Variants in DCUN1D5 observed in about 807,000 individuals in gnomAD.
DCUN1D5 encodes DCN1-like protein 5.
A neutral mutation model predicts 38.3 loss-of-function variants in DCUN1D5; 10 were observed. The ratio of observed to expected loss-of-function variants is 0.26; its 90% confidence interval spans 0.16 to 0.44. The LOEUF is 0.44. Ranked by LOEUF, DCUN1D5 falls within the 20% of genes least tolerant of loss-of-function variation. The pLI, the probability that DCUN1D5 is intolerant of heterozygous loss-of-function variation, is 1.00. For synonymous variants in DCUN1D5, 93 were observed against 90.9 expected (o/e 1.02, Z -0.13); for missense variants, 148 against 275.3 (o/e 0.54, Z 3.27).
At position 103,050,942 on chromosome 11, in the gene DCUN1D5, T is replaced by C. The variant is rs545231763; in HGVS notation, c.*11417A>G. On this transcript the variant is annotated 3_prime_UTR_variant, in exon 8 of 8. Transcript: ENST00000260247. ...GATGGGTAAGGAAAGGGTGTTTCTTTAAAAATAATCAGACCCAGAATAAGG... is the reference window on the plus strand; with the variant it reads ...GATGGGTAAGGAAAGGGTGTTTCTTCAAAAATAATCAGACCCAGAATAAGG... The C allele has an allele frequency of 1.3e-5, 2 of 152,264 alleles. No homozygotes were observed. The highest frequency in any genetic ancestry group is 4.1e-4 in the South Asian group (2 of 4,830). The allele number at this position is 152,264 out of a possible 1,614,324, so 9.4% of individuals were successfully genotyped here.
chr11:103,058,108 T>C lies in DCUN1D5; in HGVS notation c.*4251A>G, dbSNP rs1011327429. Reference sequence around the variant, plus strand: ...ACAAGATTCAATACTTAGGTTAAAATCTAACCTTACTATATAGTGTTACTA... The same window carrying C: ...ACAAGATTCAATACTTAGGTTAAAACCTAACCTTACTATATAGTGTTACTA... On this transcript the variant is annotated 3_prime_UTR_variant, in exon 8 of 8. Coordinates refer to ENST00000260247, the MANE Select transcript of DCUN1D5 (RefSeq NM_032299.4). Among the ~76,000 whole-genome samples the C allele has an allele frequency of 2.0e-5, 3 of 152,198 alleles. No homozygotes were observed. Among genetic ancestry groups the C allele is most frequent in the Admixed American group, 2.0e-4 (3 of 15,276 alleles).
chr11:103,092,000 G>T lies in DCUN1D5; in HGVS notation c.-128C>A. On this transcript the variant is annotated 5_prime_UTR_variant, in exon 1 of 8. Coordinates refer to ENST00000260247, the MANE Select transcript of DCUN1D5 (RefSeq NM_032299.4). The surrounding 1 kb of genome is among the most constrained non-coding windows in gnomAD (Gnocchi z 4.3). ...AGCGGAGGAGCAGAGTCGCCAGCCCGCACCGGCGCGGCCCAGCCCGGCCGC... is the reference window on the plus strand; with the variant it reads ...AGCGGAGGAGCAGAGTCGCCAGCCCTCACCGGCGCGGCCCAGCCCGGCCGC... 4 of 849,510 alleles carry T rather than the reference G, an allele frequency of 4.7e-6. No individual in the cohort carries two copies. The highest frequency in any genetic ancestry group is 1.8e-5 in the South Asian group (1 of 55,918). The allele number at this position is 849,510 out of a possible 1,614,324, so 52.6% of individuals were successfully genotyped here.
chr11:103,082,773 A>G lies in DCUN1D5; in HGVS notation c.316T>C (p.Trp106Arg), dbSNP rs1862598989. 2 of 1,612,890 alleles carry G rather than the reference A, an allele frequency of 1.2e-6. No individual in the cohort carries two copies. Among genetic ancestry groups the G allele is most frequent in the Admixed American group, 3.3e-5 (2 of 59,978 alleles). ...TGTAATGAAGTCATTCCCTTTAACC[A>G]TTCTTCCTTGGTAAAAAATCCCATG... ...ESMGFFTKEE[W>R]LKGMTSLQCD... is the part of the protein sequence containing the mutation. The change falls in exon 4 of 8, where the codon TGG becomes CGG. Residue 106 changes from tryptophan (W) to arginine (R), a missense_variant. Trp to Arg is a moderately radical substitution (Grantham distance 101). Coordinates refer to ENST00000260247, the MANE Select transcript of DCUN1D5 (RefSeq NM_032299.4).
At position 103,066,746 on chromosome 11, in the gene DCUN1D5, C is replaced by A. The variant is rs1442380942; in HGVS notation, c.342-179G>T. ...ATTTCTTGCCCTGCATCTACCAATG[C>A]AATAAAAAAAGAAAAAAGGGGAAAA... On this transcript the variant is annotated intron_variant, in intron 4 of 7. Coordinates refer to ENST00000260247, the MANE Select transcript of DCUN1D5 (RefSeq NM_032299.4). This position sits in a 1 kb window ranked among gnomAD's most constrained non-coding sequence, Gnocchi z 4.7. Among the ~76,000 whole-genome samples, 2 of 151,256 alleles carry A rather than the reference C, an allele frequency of 1.3e-5. No homozygotes were observed. Among genetic ancestry groups the A allele is most frequent in the Non-Finnish European group, 2.9e-5 (2 of 67,820 alleles).
Position 103,064,029 on chromosome 11 carries a change from A to G in DCUN1D5, c.658+246T>C, listed in dbSNP as rs535208786. On this transcript the variant is annotated intron_variant, in intron 7 of 7. Transcript: ENST00000260247. The surrounding 1 kb of genome is among the most constrained non-coding windows in gnomAD (Gnocchi z 4.5). ...ATTTTAGCTTCTGGATGCAAAAATT[A>G]TAATTTAAATTTAGCTAAAATGTTT... 9.2e-5 allele frequency among the ~76,000 whole-genome samples: 14 copies of G among 152,286 alleles called. No homozygotes were observed. The highest frequency in any genetic ancestry group is 7.8e-4 in the Admixed American group (12 of 15,300).
At chr11:103,075,978 G>A (rs902461438) in intron 4 of DCUN1D5, among the ~76,000 whole-genome samples, 2 of 152,126 alleles carry the variant, frequency 1.3e-5, no homozygotes, top group African/African-American at 4.8e-5. Flanking sequence ...GATATGCAAA[G>A]CAAATTTCTC....
Position 103,091,571 on chromosome 11 carries a change from T to G in DCUN1D5, c.86+216A>C. 2.8e-6 allele frequency: 2 copies of G among 725,858 alleles called. 1 individual carries two copies. Among genetic ancestry groups the G allele is most frequent in the Non-Finnish European group, 4.5e-6 (2 of 445,258 alleles). The allele number at this position is 725,858 out of a possible 1,614,324, so 45.0% of individuals were successfully genotyped here. On this transcript the variant is annotated intron_variant, in intron 1 of 7. Coordinates refer to ENST00000260247, the MANE Select transcript of DCUN1D5 (RefSeq NM_032299.4). This position sits in a 1 kb window ranked among gnomAD's most constrained non-coding sequence, Gnocchi z 4.3. ...CGTAGACTCTTAACGTGGGCGGCTC[T>G]TCTAGTCTCTCCATAAACGCCAGCG... is the stretch of plus-strand genomic sequence containing the variant.
intron 2 of DCUN1D5, among the ~76,000 whole-genome samples, chr11:103,084,519 GA>G (rs1333221903): frequency 6.6e-6 from 1 of 152,096 alleles, no homozygotes; most frequent in Non-Finnish European, 1.5e-5. Context: ...GTTAAAAGGT[GA>G]AGGGGGTGAT....
rs1388178980 is a variant in DCUN1D5 at position 103,054,142 on chromosome 11, C to T, written c.*8217G>A. 1.3e-5 allele frequency: 2 copies of T among 152,078 alleles called. No homozygotes were observed. The highest frequency in any genetic ancestry group is 4.8e-5 in the African/African-American group (2 of 41,422). 9.4% of individuals were successfully genotyped at this position (152,078 alleles called of 1,614,324 possible). ...CGTAAGCCAGATAGAGAGAACCTCC[C>T]AATTTCCACATCTATGTCTCCTGTT... On this transcript the variant is annotated 3_prime_UTR_variant, in exon 8 of 8. Coordinates refer to ENST00000260247, the MANE Select transcript of DCUN1D5 (RefSeq NM_032299.4).
rs558785619 is a variant in DCUN1D5 at position 103,058,516 on chromosome 11, C to G, written c.*3843G>C. Among the ~76,000 whole-genome samples, 1 of 152,258 alleles carries G rather than the reference C, an allele frequency of 6.6e-6. No individual in the cohort carries two copies. Among genetic ancestry groups the G allele is most frequent in the East Asian group, 1.9e-4 (1 of 5,184 alleles). Reference sequence around the variant, plus strand: ...AGGTTTGGGGCAGAAATTCATCTTTCCACAGTCTGTAAGTTTATCATAAAA... The same window carrying G: ...AGGTTTGGGGCAGAAATTCATCTTTGCACAGTCTGTAAGTTTATCATAAAA... On this transcript the variant is annotated 3_prime_UTR_variant, in exon 8 of 8. Transcript: ENST00000260247.
In DCUN1D5 at chr11:103,056,308, C is replaced by A. The variant is rs1240657390; in HGVS notation, c.*6051G>T. On this transcript the variant is annotated 3_prime_UTR_variant, in exon 8 of 8. Coordinates refer to ENST00000260247, the MANE Select transcript of DCUN1D5 (RefSeq NM_032299.4). This position sits in a 1 kb window ranked among gnomAD's most constrained non-coding sequence, Gnocchi z 4.9. ...CTCTCAGTTCATTTTCTAATTCTCC[C>A]TAAAATGCTATTATTGTTCACTACA... 6.6e-6 allele frequency among the ~76,000 whole-genome samples: 1 copy of A among 152,158 alleles called. No homozygotes were observed. The highest frequency in any genetic ancestry group is 1.5e-5 in the Non-Finnish European group (1 of 68,024).
chr11:103,090,458 A>C (rs995291447), intron 1 of DCUN1D5, among the ~76,000 whole-genome samples: 1 of 152,230 alleles, frequency 6.6e-6, no homozygotes, highest in Non-Finnish European at 1.5e-5. Flanking sequence ...TATGTAAGTC[A>C]TCTACCTCAC....
rs1273565285 is a variant in DCUN1D5 at position 103,058,365 on chromosome 11, G to T, written c.*3994C>A. ...AGGTGGACACAGCAAATGTATGATC[G>T]ATCAGTTTTAAGACTGTTTTTAAAA... On this transcript the variant is annotated 3_prime_UTR_variant, in exon 8 of 8. Coordinates refer to ENST00000260247, the MANE Select transcript of DCUN1D5 (RefSeq NM_032299.4). 6.6e-6 allele frequency among the ~76,000 whole-genome samples: 1 copy of T among 152,114 alleles called. No homozygotes were observed.
In DCUN1D5 at chr11:103,057,614, G is replaced by T. The variant is rs1288753961; in HGVS notation, c.*4745C>A. 6.6e-6 allele frequency among the ~76,000 whole-genome samples: 1 copy of T among 152,016 alleles called. No homozygotes were observed. The highest frequency in any genetic ancestry group is 1.5e-5 in the Non-Finnish European group (1 of 68,002). ...AGGCATCTGTAATCCCAGCTACTTG[G>T]GAGGTTGACGCACGAGAATCTCTTG... On this transcript the variant is annotated 3_prime_UTR_variant, in exon 8 of 8. Transcript: ENST00000260247. The surrounding 1 kb of genome is among the most constrained non-coding windows in gnomAD (Gnocchi z 4.8).
chr11:103,087,414 C>A lies in DCUN1D5; in HGVS notation c.178+1813G>T, dbSNP rs1862741166. Among the ~76,000 whole-genome samples the A allele has an allele frequency of 6.6e-6, 1 of 152,146 alleles. No homozygotes were observed. The highest frequency in any genetic ancestry group is 1.5e-5 in the Non-Finnish European group (1 of 68,022). ...CTCGATCTCCTGACCTCGTGATCTG[C>A]CTACCTTGGCCTCCCAAAGTGCTGA... On this transcript the variant is annotated intron_variant, in intron 2 of 7. Coordinates refer to ENST00000260247, the MANE Select transcript of DCUN1D5 (RefSeq NM_032299.4). The surrounding 1 kb of genome is among the most constrained non-coding windows in gnomAD (Gnocchi z 4.1).
intron 2 of DCUN1D5, among the ~76,000 whole-genome samples, chr11:103,084,429 GAAGCCAA>G (rs1862645878): frequency 6.6e-6 from 1 of 152,154 alleles, no homozygotes; most frequent in Admixed American, 6.5e-5. Flanking sequence ...ATACTGGTCT[GAAGCCAA>G]AACCCTTTTT....
rs1862143100 is a variant in DCUN1D5, at chr11:103,066,698, G to A, written c.342-131C>T. The A allele has an allele frequency of 1.9e-6, 1 of 518,480 alleles. No individual in the cohort carries two copies. The highest frequency in any genetic ancestry group is 3.5e-5 in the South Asian group (1 of 28,624). The allele number at this position is 518,480 out of a possible 1,614,324, so 32.1% of individuals were successfully genotyped here. ...GAAGTTAATTTAGTTTTAAAATTCT[G>A]AGTCACAAATTTAGAGTAATAAATT... On this transcript the variant is annotated intron_variant, in intron 4 of 7. Coordinates refer to ENST00000260247, the MANE Select transcript of DCUN1D5 (RefSeq NM_032299.4). The surrounding 1 kb of genome is among the most constrained non-coding windows in gnomAD (Gnocchi z 4.7).
Position 103,060,237 on chromosome 11 carries a change from A to T in DCUN1D5, c.*2122T>A, listed in dbSNP as rs901598283. ...TGGCCTCAGTGGTACTGGACTCCAA[A>T]GTATGGCTAGGGTAGGATAGGACAG... On this transcript the variant is annotated 3_prime_UTR_variant, in exon 8 of 8. Coordinates refer to ENST00000260247, the MANE Select transcript of DCUN1D5 (RefSeq NM_032299.4). Among the ~76,000 whole-genome samples, 1 of 152,158 alleles carries T rather than the reference A, an allele frequency of 6.6e-6. No individual in the cohort carries two copies. Among genetic ancestry groups the T allele is most frequent in the Non-Finnish European group, 1.5e-5 (1 of 68,008 alleles).
chr11:103,072,337 A>ACTAGATCTAGAT (rs59688664), intron 4 of DCUN1D5, among the ~76,000 whole-genome samples: 4 of 145,774 alleles, frequency 2.7e-5, no homozygotes, highest in Admixed American at 2.0e-4. Flanking sequence ...AGGATCTAGA[A>ACTAGATCTAGAT]CTAGATCTAG....
Sources: gnomAD v4.1 joint callset for allele counts (sites outside exome capture counted in the v4.1 genomes callset) on GRCh38, gnomAD v4.1.1 for gene constraint, Gnocchi (gnomAD v3.1) non-coding constraint, MANE v1.5 for transcripts, NCBI Gene and HGNC (gene_info 2026-07-23, HGNC 2026-07-21) for gene names.